SUGCT: variants seen among roughly 807,000 people sequenced by gnomAD.
The protein encoded by SUGCT is succinyl-CoA:glutarate-CoA transferase.
A neutral mutation model predicts 55.0 loss-of-function variants in SUGCT; 41 were observed. The observed-to-expected ratio is 0.74, with a 90% CI of 0.58 to 0.97. The LOEUF (loss-of-function observed/expected upper bound fraction) is 0.97, where lower values mean the gene tolerates loss of function less well. SUGCT is among the 50% of genes least tolerant of loss of function. The pLI, the probability that SUGCT is intolerant of heterozygous loss-of-function variation, is 0.00. For missense variants in SUGCT, 568 were observed against 547.8 expected (o/e 1.04, Z -0.37); for synonymous variants, 187 against 200.4 (o/e 0.93, Z 0.56).
chr7:40,696,618 G>A (rs918504223), intron 12 of SUGCT, among the ~76,000 whole-genome samples: 3 of 152,170 alleles, frequency 2.0e-5, no homozygotes, highest in Non-Finnish European at 1.5e-5. Context: ...TCCATCCGAA[G>A]CAGTTGAGCC....
intron 6 of SUGCT, among the ~76,000 whole-genome samples, chr7:40,209,842 T>A (rs912150821): frequency 2.2e-4 from 33 of 152,246 alleles, no homozygotes; most frequent in African/African-American, 7.9e-4. Flanking sequence ...TAATTATTTT[T>A]AAAATTTCAA....
intron 12 of SUGCT, among the ~76,000 whole-genome samples, chr7:40,624,020 A>G (rs1341048373): frequency 1.3e-5 from 2 of 152,196 alleles, no homozygotes; most frequent in Non-Finnish European, 2.9e-5. Flanking sequence ...TTCATAGTAA[A>G]TCAATCAAAT....
At chr7:40,440,128 T>C (rs1354960293) in intron 9 of SUGCT, among the ~76,000 whole-genome samples, 1 of 148,454 alleles carries the variant, frequency 6.7e-6, no homozygotes, top group East Asian at 2.0e-4. Flanking sequence ...AGTCAAGTTT[T>C]TTGTCTGTGT....
intron 6 of SUGCT, among the ~76,000 whole-genome samples, chr7:40,207,541 G>A (rs1461742131): frequency 6.6e-6 from 1 of 152,180 alleles, no homozygotes; most frequent in Non-Finnish European, 1.5e-5. Flanking sequence ...CGGAAGCTGG[G>A]CGTGGTGGTT....
chr7:40,841,804 G>A (rs1793294236), intron 13 of SUGCT, among the ~76,000 whole-genome samples: 1 of 152,158 alleles, frequency 6.6e-6, no homozygotes, highest in Non-Finnish European at 1.5e-5. Flanking sequence ...TCTACCCTTA[G>A]TGTGAGAAGA....
intron 10 of SUGCT, among the ~76,000 whole-genome samples, chr7:40,457,326 C>T (rs1468104559): frequency 2.0e-5 from 3 of 152,024 alleles, no homozygotes; most frequent in East Asian, 3.9e-4. Flanking sequence ...TGCCTGTAAT[C>T]GCAGCTACTC....
rs755472443 is a variant in SUGCT at position 40,199,396 on chromosome 7, A to C, written c.484+4336A>C. Among the ~76,000 whole-genome samples, 5 of 152,184 alleles carry C rather than the reference A, an allele frequency of 3.3e-5. No individual in the cohort carries two copies. In the East Asian group the frequency reaches 9.6e-4, roughly 29 times the overall value. ...TCAGAGGAAGCTGAGTATGCACATT[A>C]GGGGGCAGTGTTTAAACAGCTATTA... is the stretch of plus-strand genomic sequence containing the variant. On this transcript the variant is annotated intron_variant, in intron 6 of 13. Transcript: ENST00000335693.
intron 13 of SUGCT, among the ~76,000 whole-genome samples, chr7:40,819,486 A>G (rs1014402760): frequency 6.6e-6 from 1 of 151,970 alleles, no homozygotes; most frequent in Non-Finnish European, 1.5e-5. Context: ...TGTGGTTTTG[A>G]TTTGCATTTC....
At chr7:40,412,100 C>A (rs1786729698) in intron 9 of SUGCT, among the ~76,000 whole-genome samples, 1 of 152,126 alleles carries the variant, frequency 6.6e-6, no homozygotes. Flanking sequence ...ATGTAAATGA[C>A]TTCTTGTTCA....
intron 1 of SUGCT, among the ~76,000 whole-genome samples, chr7:40,148,713 C>T (rs1464040623): frequency 6.6e-6 from 1 of 152,078 alleles, no homozygotes; most frequent in Non-Finnish European, 1.5e-5. Flanking sequence ...TTTATGAGCT[C>T]CTATACCATC....
At chr7:40,975,608 C>G in the SUGCT span, among the ~76,000 whole-genome samples, 1 of 152,146 alleles carries the variant, frequency 6.6e-6, no homozygotes, top group Non-Finnish European at 1.5e-5. Flanking sequence ...ATGGTGGCTT[C>G]TTTTCCAGGC....
At chr7:40,326,264 A>G (rs1373808778) in intron 9 of SUGCT, among the ~76,000 whole-genome samples, 1 of 152,192 alleles carries the variant, frequency 6.6e-6, no homozygotes, top group Non-Finnish European at 1.5e-5. Context: ...CTTTGGGGTC[A>G]GACAGGCCTG....
chr7:40,227,795 C>T (rs974909639), intron 6 of SUGCT, among the ~76,000 whole-genome samples: 2 of 151,380 alleles, frequency 1.3e-5, no homozygotes, highest in South Asian at 4.2e-4. Context: ...TCAGCACTTT[C>T]GGAGGCCAAT....
the SUGCT span, among the ~76,000 whole-genome samples, chr7:40,914,278 C>CTTTTTCTTT: frequency 6.0e-5 from 5 of 83,748 alleles, no homozygotes; most frequent in African/African-American, 1.6e-4. Flanking sequence ...TTTTCTTTTT[C>CTTTTTCTTT]TTTTTTTTTT....
Position 40,632,125 on chromosome 7 carries a change from T to C in SUGCT, c.1090-117309T>C, listed in dbSNP as rs139480086. On this transcript the variant is annotated intron_variant, in intron 12 of 13. Transcript: ENST00000335693. ...ATACATACTGTGTCCACCATAAATA[T>C]GAGTGGGATGCATTTGGCACAGGTG... 1.6e-4 allele frequency among the ~76,000 whole-genome samples: 25 copies of C among 152,256 alleles called. 1 individual carries two copies. In the East Asian group the frequency reaches 4.1e-3, roughly 25 times the overall value.
At chr7:40,253,874 A>T (rs1790615540) in intron 7 of SUGCT, among the ~76,000 whole-genome samples, 2 of 152,242 alleles carry the variant, frequency 1.3e-5, no homozygotes, top group Admixed American at 1.3e-4. Context: ...CTGCAAATAA[A>T]TATAGAGAAA....
chr7:40,749,331 A>G lies in SUGCT; in HGVS notation c.1090-103A>G, dbSNP rs189362918. The G allele has an allele frequency of 4.2e-5, 37 of 887,220 alleles. 1 individual carries two copies. Among genetic ancestry groups the G allele is most frequent in the African/African-American group, 3.6e-4 (22 of 60,634 alleles). The allele number at this position is 887,220 out of a possible 1,614,324, so 55.0% of individuals were successfully genotyped here. ...ATGTTAAACACTTCTGTGTTTTGCCATATCTTTCTTTGATGTCGACTGAAT... is the reference window on the plus strand; with the variant it reads ...ATGTTAAACACTTCTGTGTTTTGCCGTATCTTTCTTTGATGTCGACTGAAT... On this transcript the variant is annotated intron_variant, in intron 12 of 13. Coordinates refer to ENST00000335693, the MANE Select transcript of SUGCT (RefSeq NM_001193313.2).
intron 13 of SUGCT, among the ~76,000 whole-genome samples, chr7:40,819,699 T>A (rs1163402840): frequency 6.6e-6 from 1 of 152,206 alleles, no homozygotes; most frequent in Admixed American, 6.5e-5. Context: ...TTTCTCCCAT[T>A]CTTTAGGTTG....
At chr7:40,968,071 A>C in the SUGCT span, 17 of 152,342 alleles carry the variant, frequency 1.1e-4, no homozygotes, top group East Asian at 2.5e-3. Context: ...TGAACCTAAG[A>C]AATTTTCCAA....
Sources: gnomAD v4.1 joint callset for allele counts (sites outside exome capture counted in the v4.1 genomes callset) on GRCh38, gnomAD v4.1.1 for gene constraint, MANE v1.5 for transcripts, NCBI Gene and HGNC (gene_info 2026-07-23, HGNC 2026-07-21) for gene names.